Variants in CACNA1C observed in about 807,000 individuals in gnomAD.
CACNA1C encodes calcium voltage-gated channel subunit alpha1 C, also known as voltage-dependent L-type calcium channel subunit alpha-1C.
In CACNA1C, 30 loss-of-function variants were observed where a neutral mutation model predicts 229.0. That is an observed-to-expected ratio of 0.13 (90% CI 0.10 to 0.18). CACNA1C has a LOEUF of 0.18. Among genes scored for constraint, CACNA1C ranks in the 10% least tolerant of loss-of-function variants. The pLI is 1.00. For synonymous variants in CACNA1C, 1,114 were observed against 1,132.5 expected (o/e 0.98, Z 0.33); for missense variants, 1,658 against 2,845.0 (o/e 0.58, Z 9.49).
At chr12:2,248,563 G>A (rs1022674958) in intron 3 of CACNA1C, among the ~76,000 whole-genome samples, 2 of 152,216 alleles carry the variant, frequency 1.3e-5, no homozygotes, top group African/African-American at 2.4e-5. Context: ...CTGGAGAGGC[G>A]ATGGCTGCAA....
chr12:2,269,256 G>A (rs904430140), intron 3 of CACNA1C, among the ~76,000 whole-genome samples: 4 of 152,208 alleles, frequency 2.6e-5, no homozygotes, highest in African/African-American at 9.6e-5. Flanking sequence ...ATGGGAATTA[G>A]TTCTTGATTT....
At chr12:2,533,956 T>C (rs1178396496) in intron 9 of CACNA1C, among the ~76,000 whole-genome samples, 12 of 152,132 alleles carry the variant, frequency 7.9e-5, no homozygotes, top group Non-Finnish European at 4.4e-5. Flanking sequence ...CAAAGAACCA[T>C]ATGTGTCAGC....
At chr12:2,519,368 A>G (rs1007183246) in intron 9 of CACNA1C, among the ~76,000 whole-genome samples, 1 of 152,226 alleles carries the variant, frequency 6.6e-6, no homozygotes, top group Admixed American at 6.5e-5. Flanking sequence ...AGCTGTTGGA[A>G]CAGGTGAGCT....
At chr12:2,537,942 C>T (rs1266919126) in intron 9 of CACNA1C, among the ~76,000 whole-genome samples, 2 of 152,116 alleles carry the variant, frequency 1.3e-5, no homozygotes, top group African/African-American at 4.8e-5. Flanking sequence ...TTGTTGGGTG[C>T]AGCTAAACTT....
At chr12:2,063,216 A>C (rs1215589996) in intron 1 of CACNA1C, among the ~76,000 whole-genome samples, 1 of 148,020 alleles carries the variant, frequency 6.8e-6, no homozygotes, top group Admixed American at 6.8e-5. Flanking sequence ...CAGTGGTACG[A>C]TCTCGTCTCA....
In CACNA1C at chr12:2,403,112, G is replaced by A. The variant is rs1028512763; in HGVS notation, c.478-45864G>A. ...CAGCACACAGATACGGGGCTAGGAC[G>A]TAGGCCTGGAGTGATGAGGGTCAAC... is the stretch of plus-strand genomic sequence containing the variant. On this transcript the variant is annotated intron_variant, in intron 3 of 46. Transcript: ENST00000399655. The surrounding 1 kb of genome is among the most constrained non-coding windows in gnomAD (Gnocchi z 4.1). 7.2e-5 allele frequency among the ~76,000 whole-genome samples: 11 copies of A among 152,218 alleles called. No homozygotes were observed. Among genetic ancestry groups the A allele is most frequent in the South Asian group, 2.1e-4 (1 of 4,832 alleles).
At chr12:2,360,588 C>T (rs1307231395) in intron 3 of CACNA1C, among the ~76,000 whole-genome samples, 1 of 152,194 alleles carries the variant, frequency 6.6e-6, no homozygotes, top group Non-Finnish European at 1.5e-5. Flanking sequence ...ACCGCTGCCC[C>T]ACAGGGGCTA....
intron 3 of CACNA1C, among the ~76,000 whole-genome samples, chr12:2,299,208 G>A (rs1176676183): frequency 6.6e-6 from 1 of 152,150 alleles, no homozygotes; most frequent in African/African-American, 2.4e-5. Context: ...TAAATATAAT[G>A]ATATGGGGTG....
At chr12:1,982,995 C>A (rs1406774972) in intron 1 of CACNA1C, among the ~76,000 whole-genome samples, 1 of 151,918 alleles carries the variant, frequency 6.6e-6, no homozygotes, top group Non-Finnish European at 1.5e-5. Context: ...TGAGTTAATT[C>A]TGATGATTTG....
At chr12:2,221,232 G>A (rs776693657) in intron 3 of CACNA1C, among the ~76,000 whole-genome samples, 2 of 152,232 alleles carry the variant, frequency 1.3e-5, no homozygotes, top group Non-Finnish European at 2.9e-5. Context: ...GGTGTGGGGA[G>A]AGGGAGTGCT....
At chr12:2,014,943 A>G (rs928732234) in intron 1 of CACNA1C, among the ~76,000 whole-genome samples, 14 of 152,182 alleles carry the variant, frequency 9.2e-5, no homozygotes, top group African/African-American at 3.4e-4. Context: ...CTGCTCACGG[A>G]CTGGCAGGTC....
chr12:2,004,538 CCCGGGAGGCCTTCCGGCT>C, intron 1 of CACNA1C: 1 of 1,469,146 alleles, frequency 6.8e-7, no homozygotes, highest in Non-Finnish European at 9.0e-7. Flanking sequence ...GACCACACGG[CCCGGGAGGCCTTCCGGCT>C]CCAGTCACCC....
chr12:2,255,653 T>G (rs1176697641), intron 3 of CACNA1C, among the ~76,000 whole-genome samples: 1 of 152,212 alleles, frequency 6.6e-6, no homozygotes, highest in Non-Finnish European at 1.5e-5. Context: ...GTCACCTGGT[T>G]CATTTCCTTT....
At chr12:2,250,359 G>T (rs185586475) in intron 3 of CACNA1C, among the ~76,000 whole-genome samples, 1 of 152,324 alleles carries the variant, frequency 6.6e-6, no homozygotes, top group East Asian at 1.9e-4. Context: ...CAGGTTGCAC[G>T]CACAGCACCG....
At chr12:2,491,647 G>A (rs1182777322) in intron 6 of CACNA1C, among the ~76,000 whole-genome samples, 12 of 150,410 alleles carry the variant, frequency 8.0e-5, no homozygotes, top group African/African-American at 2.5e-4. Context: ...AGGAGGAGGA[G>A]GAGGAAGAGG....
chr12:2,014,718 A>G (rs1053339686), intron 1 of CACNA1C, among the ~76,000 whole-genome samples: 2 of 152,228 alleles, frequency 1.3e-5, no homozygotes, highest in Admixed American at 6.5e-5. Context: ...TGCCTAGACC[A>G]GGGTAGAATG....
At chr12:2,510,828 A>C (rs1598465963) in intron 8 of CACNA1C, among the ~76,000 whole-genome samples, 1 of 152,196 alleles carries the variant, frequency 6.6e-6, no homozygotes, top group Non-Finnish European at 1.5e-5. Context: ...GCCTTGAAAC[A>C]TAGTTTTTGG....
intron 37 of CACNA1C, among the ~76,000 whole-genome samples, chr12:2,668,168 C>T (rs1222478178): frequency 2.0e-5 from 3 of 152,214 alleles, no homozygotes; most frequent in Non-Finnish European, 4.4e-5. Context: ...CAGGTGGGCT[C>T]CCAGCACATG....
intron 3 of CACNA1C, among the ~76,000 whole-genome samples, chr12:2,412,339 G>A (rs756028314): frequency 1.3e-5 from 2 of 152,244 alleles, no homozygotes; most frequent in Non-Finnish European, 2.9e-5. Context: ...AGGCAGTGAC[G>A]TTTGTGGCTT....
Sources: gnomAD v4.1 joint callset for allele counts (sites outside exome capture counted in the v4.1 genomes callset) on GRCh38, gnomAD v4.1.1 for gene constraint, Gnocchi (gnomAD v3.1) non-coding constraint, MANE v1.5 for transcripts, NCBI Gene and HGNC (gene_info 2026-07-23, HGNC 2026-07-21) for gene names.